ROBO1: variants seen among roughly 807,000 people sequenced by gnomAD.
The protein encoded by ROBO1 is roundabout guidance receptor 1.
ROBO1 carries 149 observed loss-of-function variants against 195.9 expected under a neutral mutation model. That is an observed-to-expected ratio of 0.76 (90% CI 0.67 to 0.87). The LOEUF is 0.87. Ranked by LOEUF, ROBO1 falls within the 40% of genes least tolerant of loss-of-function variation. The probability of loss-of-function intolerance (pLI) is 0.00; values close to 1 mark genes in which losing one functional copy is unlikely to be tolerated. For missense variants in ROBO1, 1,933 were observed against 2,068.3 expected, an observed-to-expected ratio of 0.93 and a Z score of 1.27; for synonymous variants, 816 against 733.2, an observed-to-expected ratio of 1.11 and a Z score of -1.82.
At chr3:79,510,702 A>G (rs1410197502) in intron 2 of ROBO1, among the ~76,000 whole-genome samples, 1 of 152,158 alleles carries the variant, frequency 6.6e-6, no homozygotes, top group Non-Finnish European at 1.5e-5. Flanking sequence ...TGTGTAAGGT[A>G]TGAAATGTCT....
At chr3:78,963,493 A>ATTTT (rs1576477350) in intron 3 of ROBO1, among the ~76,000 whole-genome samples, 1 of 41,098 alleles carries the variant, frequency 2.4e-5, no homozygotes, top group Admixed American at 3.2e-4. Context: ...GAAAACCTTC[A>ATTTT]GTTTTTTTTT....
At chr3:79,072,691 A>C (rs544513627) in intron 3 of ROBO1, among the ~76,000 whole-genome samples, 2 of 151,980 alleles carry the variant, frequency 1.3e-5, no homozygotes, top group African/African-American at 4.8e-5. Flanking sequence ...TAAAATTTTT[A>C]TGTACTGTAT....
At chr3:79,299,836 CAAGA>C (rs2032805695) in intron 2 of ROBO1, among the ~76,000 whole-genome samples, 2 of 146,808 alleles carry the variant, frequency 1.4e-5, no homozygotes, top group South Asian at 2.1e-4. Context: ...AATATCAACT[CAAGA>C]AACACTAAAA....
At chr3:79,638,554 A>G (rs1328836845) in intron 1 of ROBO1, among the ~76,000 whole-genome samples, 4 of 152,108 alleles carry the variant, frequency 2.6e-5, no homozygotes, top group African/African-American at 9.7e-5. Flanking sequence ...TGCTGGAATT[A>G]CAGACGTGAG....
chr3:79,516,678 T>C (rs2107561095), intron 2 of ROBO1, among the ~76,000 whole-genome samples: 1 of 152,320 alleles, frequency 6.6e-6, no homozygotes, highest in Middle Eastern at 3.4e-3. Context: ...CCAAAGTTGT[T>C]TCTAAAAGCT....
chr3:79,709,215 A>G (rs1309540512), intron 1 of ROBO1, among the ~76,000 whole-genome samples: 1 of 152,172 alleles, frequency 6.6e-6, no homozygotes, highest in Admixed American at 6.6e-5. Flanking sequence ...TATCCTACAT[A>G]ATCTCATTTC....
intron 3 of ROBO1, among the ~76,000 whole-genome samples, chr3:79,047,581 T>A (rs2078618037): frequency 6.6e-6 from 1 of 152,142 alleles, no homozygotes; most frequent in Non-Finnish European, 1.5e-5. Flanking sequence ...GTCCACAGAA[T>A]CTGTGAGATA....
intron 3 of ROBO1, among the ~76,000 whole-genome samples, chr3:79,106,104 G>A (rs953525530): frequency 3.3e-5 from 5 of 151,692 alleles, no homozygotes; most frequent in African/African-American, 1.2e-4. Context: ...AAAGCAACTT[G>A]ACTAGCTGAA....
intron 4 of ROBO1, among the ~76,000 whole-genome samples, chr3:78,929,882 A>G (rs1393954450): frequency 6.6e-6 from 1 of 152,016 alleles, no homozygotes; most frequent in African/African-American, 2.4e-5. Flanking sequence ...GGTAAGAAAC[A>G]CAGGTTGAGA....
intron 3 of ROBO1, among the ~76,000 whole-genome samples, chr3:79,050,657 A>T (rs547075448): frequency 3.9e-5 from 6 of 152,298 alleles, no homozygotes; most frequent in African/African-American, 1.4e-4. Flanking sequence ...ATATAATTGG[A>T]AGTAAAACAC....
rs189221885 is a variant in ROBO1 at position 79,488,485 on chromosome 3, G to A, written c.88+101339C>T. On this transcript the variant is annotated intron_variant, in intron 2 of 30. Transcript: ENST00000464233. Reference sequence around the variant, plus strand: ...GACATCAAGAATAAGTCTTCTTGTGGTGAATATTATTAAATGCCATATGTC... The same window carrying A: ...GACATCAAGAATAAGTCTTCTTGTGATGAATATTATTAAATGCCATATGTC... Among the ~76,000 whole-genome samples, 36 of 152,224 alleles carry A rather than the reference G, an allele frequency of 2.4e-4. No homozygotes were observed. The East Asian group carries it at 6.8e-3, about 29-fold the overall frequency.
At chr3:78,665,702 A>G (rs1707690920) in intron 14 of ROBO1, among the ~76,000 whole-genome samples, 1 of 152,110 alleles carries the variant, frequency 6.6e-6, no homozygotes. Context: ...TGGTTAATGT[A>G]TTCTTTGTCC....
intron 4 of ROBO1, among the ~76,000 whole-genome samples, chr3:78,841,720 T>G (rs1052006280): frequency 6.6e-6 from 1 of 152,098 alleles, no homozygotes; most frequent in African/African-American, 2.4e-5. Context: ...ACAGAAAATA[T>G]TTGCAATTCC....
At chr3:79,151,986 A>C (rs1317912477) in intron 2 of ROBO1, among the ~76,000 whole-genome samples, 1 of 151,752 alleles carries the variant, frequency 6.6e-6, no homozygotes, top group Non-Finnish European at 1.5e-5. Context: ...AATCTAGCAC[A>C]TTTCAAAATC....
At chr3:79,588,220 A>C (rs1410464175) in intron 2 of ROBO1, among the ~76,000 whole-genome samples, 1 of 151,734 alleles carries the variant, frequency 6.6e-6, no homozygotes, top group Non-Finnish European at 1.5e-5. Flanking sequence ...CAGCTTTTGC[A>C]CCTAAGCGTT....
At chr3:79,227,410 G>A (rs1291123878) in intron 2 of ROBO1, among the ~76,000 whole-genome samples, 2 of 151,920 alleles carry the variant, frequency 1.3e-5, no homozygotes, top group Non-Finnish European at 2.9e-5. Context: ...TTTCTACCTC[G>A]GTCTTCCCTA....
chr3:79,051,179 A>G (rs2078690398), intron 3 of ROBO1, among the ~76,000 whole-genome samples: 1 of 152,152 alleles, frequency 6.6e-6, no homozygotes, highest in Non-Finnish European at 1.5e-5. Flanking sequence ...ATAAAGAAGA[A>G]AAGAGAGAAG....
intron 2 of ROBO1, among the ~76,000 whole-genome samples, chr3:79,262,336 T>C (rs546327788): frequency 4.0e-4 from 61 of 152,084 alleles, no homozygotes; most frequent in Non-Finnish European, 8.1e-4. Flanking sequence ...CTAATCAAGT[T>C]TGGGGAAAAA....
chr3:78,642,757 A>AGTT (rs1376814389), intron 21 of ROBO1, among the ~76,000 whole-genome samples: 4 of 152,244 alleles, frequency 2.6e-5, no homozygotes, highest in African/African-American at 7.2e-5. Context: ...GCCCTTTTTA[A>AGTT]GTTGGGAAGC....
Sources: allele counts gnomAD v4.1 joint callset (sites outside exome capture counted in the v4.1 genomes callset), GRCh38; gene constraint gnomAD v4.1.1; transcripts MANE v1.5; gene names NCBI Gene and HGNC (gene_info 2026-07-23, HGNC 2026-07-21).